RYR1: variants seen among roughly 807,000 people sequenced by gnomAD.
RYR1 encodes the protein ryanodine receptor 1.
In RYR1, 342 loss-of-function variants were observed where a neutral mutation model predicts 583.5. The ratio of observed to expected loss-of-function variants is 0.59; its 90% CI spans 0.54 to 0.64. The LOEUF (loss-of-function observed/expected upper bound fraction) is 0.64. RYR1 is among the 30% of genes least tolerant of loss of function. The pLI, the probability that RYR1 is intolerant of heterozygous loss-of-function variation, is 0.00. For synonymous variants in RYR1, 2,791 were observed against 2,822.5 expected (o/e 0.99, Z 0.35); for missense variants, 6,032 against 6,917.2 (o/e 0.87, Z 4.54).
intron 69 of RYR1, 131 bp from the exon 70 acceptor site, chr19:38,523,784 A>G (rs575136255): frequency 8.1e-7 from 1 of 1,229,106 alleles, no homozygotes; most frequent in South Asian, 1.2e-5. Flanking sequence ...AAGGCCTGGA[A>G]ATGCCCAGCT....
rs374441925 is a variant in RYR1, at chr19:38,548,256, G to A, written c.12118G>A (p.Ala4040Thr). The change falls in exon 89 of 106, where the codon GCC becomes ACC. Residue 4040 changes from alanine (A) to threonine (T), a missense_variant. Transcript: ENST00000359596. ...AGGGAACGTGGTGAACGGCATGATC[G>A]CCCGGCAGATGGTGGACATGCTCGT... is the stretch of plus-strand genomic sequence containing the variant. ...LEGNVVNGMIARQMVDMLVES... is the reference protein window; with the variant it reads ...LEGNVVNGMITRQMVDMLVES... 24 of 1,614,102 alleles carry A rather than the reference G, an allele frequency of 1.5e-5. No individual in the cohort carries two copies. The highest frequency in any genetic ancestry group is 4.0e-5 in the African/African-American group (3 of 74,948).
chr19:38,505,136 C>A (rs371034753), intron 52 of RYR1, 55 bp downstream of exon 52: 5 of 1,522,256 alleles, frequency 3.3e-6, no homozygotes, highest in African/African-American at 2.7e-5. Context: ...GCTTTCCCCC[C>A]GACCTGGTTC....
chr19:38,486,127 G>A lies in RYR1; in HGVS notation c.5472G>A (p.Gln1824=). Residue 1824 remains glutamine (Q), a synonymous_variant, in exon 34 of 106, where the codon CAG becomes CAA. Transcript: ENST00000359596. ...GGGAGGCGGTGCGCGACGGTGGGCA[G>A]CACGCTCGCGACCCCGTCGGGGGCT... The part of the protein sequence containing the change: ...MLGEAVRDGG[Q]HARDPVGGSV... 1.2e-6 allele frequency: 2 copies of A among 1,613,136 alleles called. No homozygotes were observed. Among genetic ancestry groups the A allele is most frequent in the South Asian group, 2.2e-5 (2 of 91,062 alleles).
Position 38,455,529 on chromosome 19 carries a change from G to A in RYR1, c.1655G>A (p.Arg552Gln), listed in dbSNP as rs772978260. The A allele has an allele frequency of 2.6e-5, 42 of 1,613,974 alleles. 1 individual carries two copies. The highest frequency in any genetic ancestry group is 1.6e-4 in the Middle Eastern group (1 of 6,084). ...GACTGGCTGGTCAGCAAGCTGGATC[G>A]GCTGGAGGCCTCGTCTGGTAGGAGA... ...NLDWLVSKLD[R>Q]LEASSGILEV... Residue 552 changes from arginine (R) to glutamine (Q), a missense_variant, in exon 15 of 106, where the codon CGG becomes CAG. Physicochemically the swap from Arg to Gln is conservative, Grantham distance 43. Around this residue, in one of 11 missense-constraint regions of RYR1, gnomAD observed 2,627 missense variants for 2,961.3 expected, o/e 0.89. Transcript: ENST00000359596.
chr19:38,536,352 G>C lies in RYR1; in HGVS notation c.11590+282G>C, dbSNP rs1366858998. ...TCACTACATGGACCCCACCCTCCAC[G>C]TGCCCCAAATGTCACGCCCTGGTTG... On this transcript the variant is annotated intron_variant, in intron 82 of 105. Coordinates refer to ENST00000359596, the MANE Select transcript of RYR1 (RefSeq NM_000540.3). Among the ~76,000 whole-genome samples the C allele has an allele frequency of 3.8e-5, 5 of 133,268 alleles. 1 individual carries two copies. The highest frequency in any genetic ancestry group is 6.4e-5 in the Non-Finnish European group (4 of 62,938). 87.4% of individuals were successfully genotyped at this position (133,268 alleles called of 152,430 possible).
chr19:38,511,440 C>A (rs2074692534), intron 60 of RYR1, 121 bp from the exon 61 acceptor site: 1 of 1,026,244 alleles, frequency 9.7e-7, no homozygotes, highest in Non-Finnish European at 1.5e-6. Flanking sequence ...GGACCCCCTC[C>A]TGGTTCCTCT....
chr19:38,443,265 A>G lies in RYR1; in HGVS notation c.271-293A>G, dbSNP rs16972602. Among the ~76,000 whole-genome samples the G allele has an allele frequency of 0.04, 6,053 of 152,240 alleles. 342 individuals are homozygous for G. Among genetic ancestry groups the G allele is most frequent in the African/African-American group, 0.12 (4,928 of 41,526 alleles). On this transcript the variant is annotated intron_variant, in intron 3 of 105. Coordinates refer to ENST00000359596, the MANE Select transcript of RYR1 (RefSeq NM_000540.3). The stretch of plus-strand genomic sequence containing the variant: ...CCCCAGGAAACTAGAAGACGGGTTC[A>G]TTCTCCTGAGTGATTTCCAGCCAAG...
intron 104 of RYR1, 36 bp downstream of exon 104, chr19:38,586,227 G>A: frequency 6.3e-7 from 1 of 1,587,982 alleles, no homozygotes; most frequent in Non-Finnish European, 8.6e-7. Context: ...GAGGGTGGGG[G>A]GCATGGCTGC....
In RYR1 at chr19:38,500,630, G is replaced by A; in HGVS notation, c.7348G>A (p.Ala2450Thr). ...GCTAATCCAAGCCGGCAAGGGTGAG[G>A]CCCTGCGGATCCGCGCCATCCTCCG... is the stretch of plus-strand genomic sequence containing the variant. ...MHLIQAGKGE[A>T]LRIRAILRSL... Residue 2450 changes from alanine to threonine, a missense_variant, in exon 46 of 106, where the codon GCC becomes ACC. By Grantham distance (58) the Ala-to-Thr change is moderately conservative. This residue lies in a region of RYR1 where 2,627 missense variants were observed against 2,961.3 expected (regional missense o/e 0.89). Transcript: ENST00000359596. The surrounding 1 kb of genome is among the most constrained non-coding windows in gnomAD (Gnocchi z 5.9). 1 of 1,613,352 alleles carries A rather than the reference G, an allele frequency of 6.2e-7. No individual in the cohort carries two copies. The highest frequency in any genetic ancestry group is 8.5e-7 in the Non-Finnish European group (1 of 1,180,012).
At chr19:38,556,063 C>T (rs1228537792) in intron 89 of RYR1, among the ~76,000 whole-genome samples, 1 of 152,064 alleles carries the variant, frequency 6.6e-6, no homozygotes, top group African/African-American at 2.4e-5. Flanking sequence ...AAGGTTTCGC[C>T]ATGTTGGCCA....
At chr19:38,528,211 A>T (rs766658920) in intron 73 of RYR1, 95 bp from the exon 74 acceptor site, 23 of 1,026,612 alleles carry the variant, frequency 2.2e-5, no homozygotes, top group African/African-American at 3.2e-5. Context: ...CTTAACCTGA[A>T]TATGGACTTC....
At position 38,587,424 on chromosome 19, in the gene RYR1, A is replaced by G. The variant is rs781190673; in HGVS notation, c.*4A>G. The G allele has an allele frequency of 1.2e-6, 2 of 1,611,374 alleles. No individual in the cohort carries two copies. Among genetic ancestry groups the G allele is most frequent in the Admixed American group, 1.7e-5 (1 of 59,880 alleles). On this transcript the variant is annotated 3_prime_UTR_variant, in exon 106 of 106. Coordinates refer to ENST00000359596, the MANE Select transcript of RYR1 (RefSeq NM_000540.3). The stretch of plus-strand genomic sequence containing the variant: ...GTATGAGGACCAGCTTAGCTGACAC[A>G]CCCCCAGCTGGCCCTCCACCCCCAC...
rs1972861932 is a variant in RYR1 at position 38,444,828 on chromosome 19, C to T, written c.631+151C>T. Reference sequence around the variant, plus strand: ...CTCTCACACTTAGATCTCCAGCTGACCCCAAATCCAGACCCCCAGAGCTCA... The same window carrying T: ...CTCTCACACTTAGATCTCCAGCTGATCCCAAATCCAGACCCCCAGAGCTCA... On this transcript the variant is annotated intron_variant, in intron 7 of 105. Coordinates refer to ENST00000359596, the MANE Select transcript of RYR1 (RefSeq NM_000540.3). This position sits in a 1 kb window ranked among gnomAD's most constrained non-coding sequence, Gnocchi z 5.1. The T allele has an allele frequency of 1.6e-6, 1 of 645,112 alleles. No homozygotes were observed. Among genetic ancestry groups the T allele is most frequent in the Non-Finnish European group, 2.8e-6 (1 of 358,458 alleles). 40.0% of individuals were successfully genotyped at this position (645,112 alleles called of 1,614,324 possible).
At position 38,433,879 on chromosome 19, in the gene RYR1, G is replaced by GT; in HGVS notation, c.45+6dup. On this transcript the variant is annotated splice_donor_region_variant and intron_variant, in intron 1 of 105. Coordinates refer to ENST00000359596, the MANE Select transcript of RYR1 (RefSeq NM_000540.3). ...GAGGTCCAGTTCCTGCGGACGGTGC[G>GT]TATCTCTGGGTTAGGGGCCTGTGGG... is the stretch of plus-strand genomic sequence containing the variant. 1 of 1,612,910 alleles carries GT rather than the reference G, an allele frequency of 6.2e-7. No individual in the cohort carries two copies. Among genetic ancestry groups the GT allele is most frequent in the South Asian group, 1.1e-5 (1 of 91,060 alleles).
chr19:38,451,789 T>C lies in RYR1; in HGVS notation c.1148T>C (p.Met383Thr), dbSNP rs1967086695. The change falls in exon 12 of 106, where the codon ATG (methionine) becomes ACG (threonine). Residue 383 changes from methionine to threonine, a missense_variant. Met to Thr is a moderately conservative substitution (Grantham distance 81). Around this residue, in one of 11 missense-constraint regions of RYR1, gnomAD observed 338 missense variants for 441.6 expected, o/e 0.77. Transcript: ENST00000359596. ...KKAMLHQEGH[M>T]DDALSLTRCQ... ...GCCATGCTGCACCAGGAGGGCCACA[T>C]GGACGACGCACTGTCGCTGACCCGC... 6.2e-7 allele frequency: 1 copy of C among 1,613,998 alleles called. No homozygotes were observed. Among genetic ancestry groups the C allele is most frequent in the African/African-American group, 1.3e-5 (1 of 74,904 alleles).
chr19:38,437,343 G>A (rs1248852870), intron 1 of RYR1, among the ~76,000 whole-genome samples: 1 of 152,048 alleles, frequency 6.6e-6, no homozygotes, highest in African/African-American at 2.4e-5. Flanking sequence ...GAGCCACCTC[G>A]CCCAGCCTGC....
chr19:38,463,699 G>A (rs1473477380), intron 21 of RYR1, 48 bp from the exon 22 acceptor site: 1 of 1,567,562 alleles, frequency 6.4e-7, no homozygotes, highest in Non-Finnish European at 8.8e-7. Flanking sequence ...CATGTGGGGA[G>A]TGGGAAGGAA....
intron 93 of RYR1, among the ~76,000 whole-genome samples, chr19:38,569,780 G>A (rs1259375568): frequency 2.0e-5 from 3 of 152,176 alleles, no homozygotes; most frequent in Non-Finnish European, 4.4e-5. Context: ...TAACAGTAGT[G>A]CCCACTTCAC....
In RYR1 at chr19:38,464,718, A is replaced by G; in HGVS notation, c.2866A>G (p.Lys956Glu). ...CAACCTGAAGAAGACAAAACTCCCC[A>G]AGACGTGAGTGTGGGCAGCCAGGTC... ...EDNLKKTKLPKTYMMSNGYKP... is the reference protein window; with the variant it reads ...EDNLKKTKLPETYMMSNGYKP... The change falls in exon 23 of 106, where the codon AAG becomes GAG. Residue 956 changes from lysine to glutamate, a missense_variant. Lys to Glu is a moderately conservative substitution (Grantham distance 56, BLOSUM62 1). Transcript: ENST00000359596. 2 of 1,581,158 alleles carry G rather than the reference A, an allele frequency of 1.3e-6. No homozygotes were observed. The highest frequency in any genetic ancestry group is 1.7e-6 in the Non-Finnish European group (2 of 1,163,508).
Sources: allele counts gnomAD v4.1 joint callset (sites outside exome capture counted in the v4.1 genomes callset), GRCh38; gene constraint gnomAD v4.1.1; regional missense constraint gnomAD v4.1.1; non-coding constraint Gnocchi (gnomAD v3.1); transcripts MANE v1.5; gene names NCBI Gene and HGNC (gene_info 2026-07-23, HGNC 2026-07-21).